The following PLEKHA8 variants were observed in gnomAD, a reference collection of about 807,000 sequenced individuals.
PLEKHA8 encodes pleckstrin homology domain-containing family A member 8.
Under a neutral mutation model 68.2 loss-of-function variants are expected in PLEKHA8, and 36 were observed. The observed-to-expected ratio is 0.53, with a 90% CI of 0.40 to 0.70. The LOEUF (loss-of-function observed/expected upper bound fraction) is 0.70. PLEKHA8 is among the 30% of genes least tolerant of loss of function. The probability of loss-of-function intolerance (pLI) is 0.00; values close to 1 mark genes in which losing one functional copy is unlikely to be tolerated. For synonymous variants in PLEKHA8, 211 were observed against 216.1 expected, an observed-to-expected ratio of 0.98 and a Z score of 0.20; for missense variants, 505 against 615.4, an observed-to-expected ratio of 0.82 and a Z score of 1.90.
At chr7:30,065,640 G>A (rs1793794429) in intron 12 of PLEKHA8, among the ~76,000 whole-genome samples, 1 of 152,126 alleles carries the variant, frequency 6.6e-6, no homozygotes, top group Non-Finnish European at 1.5e-5. Context: ...GAGAGTGTGT[G>A]CAATTTATAT....
intron 1 of PLEKHA8, among the ~76,000 whole-genome samples, chr7:30,030,976 A>T (rs551732139): frequency 2.0e-5 from 3 of 152,244 alleles, no homozygotes; most frequent in Admixed American, 2.0e-4. Flanking sequence ...GTTCATTCTG[A>T]ATTTTTCTCC....
intron 1 of PLEKHA8, among the ~76,000 whole-genome samples, chr7:30,035,775 C>T (rs567528751): frequency 4.8e-4 from 73 of 151,976 alleles, no homozygotes; most frequent in Non-Finnish European, 8.7e-4. Context: ...TCCCAAGTAG[C>T]TGGGATTACA....
downstream of PLEKHA8, among the ~76,000 whole-genome samples, chr7:30,088,167 G>C (rs1041646798): frequency 2.6e-5 from 4 of 152,164 alleles, no homozygotes; most frequent in African/African-American, 9.7e-5. Context: ...TCCCTTGGCT[G>C]CTCAGGAAAT....
rs1794919061 is a variant in PLEKHA8 at position 30,081,315 on chromosome 7, T to C, written c.*2528T>C. On this transcript the variant is annotated 3_prime_UTR_variant, in exon 14 of 14. Coordinates refer to ENST00000449726, the MANE Select transcript of PLEKHA8 (RefSeq NM_001197026.2). Reference sequence around the variant, plus strand: ...TTGCCTAAGATGTATAAAAGTTTGTTTAAGATGTGTAAAAGTTTGCTTAAG... The same window carrying C: ...TTGCCTAAGATGTATAAAAGTTTGTCTAAGATGTGTAAAAGTTTGCTTAAG... The C allele has an allele frequency of 1.0e-6, 1 of 985,094 alleles. No individual in the cohort carries two copies. The highest frequency in any genetic ancestry group is 1.2e-6 in the Non-Finnish European group (1 of 829,678). The allele number at this position is 985,094 out of a possible 1,614,324, so 61.0% of individuals were successfully genotyped here.
At chr7:30,089,558 C>T (rs981651386), downstream of PLEKHA8, among the ~76,000 whole-genome samples, 5 of 152,184 alleles carry the variant, frequency 3.3e-5, no homozygotes, top group African/African-American at 1.2e-4. Flanking sequence ...AATACACTGA[C>T]ACTGTATGAA....
chr7:30,116,532 A>T (rs542957148), intron 13 of PLEKHA8, among the ~76,000 whole-genome samples: 11 of 152,314 alleles, frequency 7.2e-5, no homozygotes, highest in Admixed American at 2.6e-4. Flanking sequence ...CTGTTCTGCA[A>T]ATCTACTCTT....
chr7:30,061,219 A>G (rs1303354513), intron 10 of PLEKHA8, among the ~76,000 whole-genome samples: 15 of 152,030 alleles, frequency 9.9e-5, no homozygotes, highest in Admixed American at 9.8e-4. Flanking sequence ...GTAGGGTTTC[A>G]CTCTAATGTC....
Position 30,081,507 on chromosome 7 carries a change from A to G in PLEKHA8, c.*2720A>G. 3 of 985,322 alleles carry G rather than the reference A, an allele frequency of 3.0e-6. No individual in the cohort carries two copies. The highest frequency in any genetic ancestry group is 3.6e-6 in the Non-Finnish European group (3 of 829,846). The allele number at this position is 985,322 out of a possible 1,614,324, so 61.0% of individuals were successfully genotyped here. ...TCATAATTTGCGCTGATGTGTAATC[A>G]CTTTCCAAGAAGAGGGCAATGAGAA... is the stretch of plus-strand genomic sequence containing the variant. On this transcript the variant is annotated 3_prime_UTR_variant, in exon 14 of 14. Coordinates refer to ENST00000449726, the MANE Select transcript of PLEKHA8 (RefSeq NM_001197026.2).
rs541232336 is a variant in PLEKHA8, at chr7:30,096,514, A to G, written c.1362+22382A>G. Among the ~76,000 whole-genome samples the G allele has an allele frequency of 3.7e-3, 559 of 152,198 alleles. 1 individual carries two copies. The highest frequency in any genetic ancestry group is 5.9e-3 in the Non-Finnish European group (400 of 68,024). On this transcript the variant is annotated intron_variant, in intron 13 of 13. Coordinates refer to the PLEKHA8 transcript ENST00000396257. ...CTCTTTTCCTAATTGAATGCCCTTT[A>G]TTTCCTTCTCCTGCCTGATTGCCCT... is the stretch of plus-strand genomic sequence containing the variant.
At chr7:30,088,238 C>T (rs570112475), downstream of PLEKHA8, among the ~76,000 whole-genome samples, 6 of 152,184 alleles carry the variant, frequency 3.9e-5, no homozygotes, top group South Asian at 8.3e-4. Context: ...TATATTTTGT[C>T]TTTGCTAATG....
At chr7:30,038,713 A>C (rs78096115) in intron 1 of PLEKHA8, among the ~76,000 whole-genome samples, 7 of 152,282 alleles carry the variant, frequency 4.6e-5, no homozygotes, top group Admixed American at 1.3e-4. Flanking sequence ...AATGGAGTAC[A>C]GTTTTTCATA....
Position 30,073,563 on chromosome 7 carries a change from T to TAAAAAAAAAA in PLEKHA8, c.1301-491_1301-482dup, listed in dbSNP as rs35738941. Among the ~76,000 whole-genome samples, 61 of 111,764 alleles carry TAAAAAAAAAA rather than the reference T, an allele frequency of 5.5e-4. 2 individuals carry two copies. Among genetic ancestry groups the TAAAAAAAAAA allele is most frequent in the African/African-American group, 2.1e-3 (60 of 28,060 alleles). 73.3% of individuals were successfully genotyped at this position (111,764 alleles called of 152,430 possible). A position where few individuals can be genotyped will look rare whatever the true frequency, so the allele number is the denominator to read the frequency against. On this transcript the variant is annotated intron_variant, in intron 12 of 13. Coordinates refer to ENST00000449726, the MANE Select transcript of PLEKHA8 (RefSeq NM_001197026.2). ...TAAGAGTGGAAGTATTTGTGTTTCT[T>TAAAAAAAAAA]AAAAAAAAAAAAAAAAAAAAAAAAA...
chr7:30,030,109 T>C (rs568749956), intron 1 of PLEKHA8, among the ~76,000 whole-genome samples: 1 of 152,322 alleles, frequency 6.6e-6, no homozygotes, highest in African/African-American at 2.4e-5. Context: ...ACTGCTAACC[T>C]AAGGGGAGGA....
At chr7:30,107,787 A>G (rs12112637) in intron 13 of PLEKHA8, among the ~76,000 whole-genome samples, 24,775 of 152,024 alleles carry the variant, frequency 0.16, 2,026 homozygotes, top group Middle Eastern at 0.22. Flanking sequence ...AAAATTTTCT[A>G]ACTGGGCATG....
intron 1 of PLEKHA8, among the ~76,000 whole-genome samples, chr7:30,040,965 G>A (rs1260619090): frequency 1.3e-5 from 2 of 152,204 alleles, no homozygotes; most frequent in Admixed American, 1.3e-4. Flanking sequence ...CAGACCAACA[G>A]TTTTCATCTG....
chr7:30,050,708 C>A, intron 6 of PLEKHA8: 1 of 390,774 alleles, frequency 2.6e-6, no homozygotes, highest in Non-Finnish European at 4.4e-6. Flanking sequence ...ATGGATCTCA[C>A]CCATCACATC....
chr7:30,116,435 C>A (rs938822995), intron 13 of PLEKHA8, among the ~76,000 whole-genome samples: 4 of 151,874 alleles, frequency 2.6e-5, no homozygotes, highest in Admixed American at 6.6e-5. Flanking sequence ...CATTAAAATT[C>A]ATTAAAGAAC....
intron 13 of PLEKHA8, among the ~76,000 whole-genome samples, chr7:30,127,207 T>C (rs1304267660): frequency 6.6e-6 from 1 of 152,200 alleles, no homozygotes; most frequent in Non-Finnish European, 1.5e-5. Flanking sequence ...GAAGCTAAAG[T>C]TGACGTTACT....
In PLEKHA8 at chr7:30,083,617, T is replaced by C. The variant is rs186695408; in HGVS notation, c.*4830T>C. On this transcript the variant is annotated 3_prime_UTR_variant, in exon 14 of 14. Transcript: ENST00000449726. ...ATGCATTGATCTTTCTTCTCTGCTG[T>C]TTTTATATAGCCTTTAATTAAAAGG... 1.7e-3 allele frequency: 1,689 copies of C among 985,418 alleles called. No individual in the cohort carries two copies. The highest frequency in any genetic ancestry group is 1.9e-3 in the Non-Finnish European group (1,594 of 829,912). 61.0% of individuals were successfully genotyped at this position (985,418 alleles called of 1,614,324 possible). A position where few individuals can be genotyped will look rare whatever the true frequency, so the allele number is the denominator to read the frequency against.
Sources: gnomAD v4.1 joint callset for allele counts (sites outside exome capture counted in the v4.1 genomes callset) on GRCh38, gnomAD v4.1.1 for gene constraint, MANE v1.5 for transcripts, NCBI Gene and HGNC (gene_info 2026-07-23, HGNC 2026-07-21) for gene names.